FRYL: variants seen among roughly 807,000 people sequenced by gnomAD.
FRYL encodes the protein FRY like transcription coactivator.
In FRYL, 150 loss-of-function variants were observed where a neutral mutation model predicts 351.2. The observed-to-expected ratio is 0.43, with a 90% CI of 0.37 to 0.49. The LOEUF is 0.49. Among genes scored for constraint, FRYL ranks in the 20% least tolerant of loss-of-function variants. FRYL has a pLI of 0.00. For missense variants in FRYL, 3,036 were observed against 3,619.3 expected (o/e 0.84, Z 4.13); for synonymous variants, 1,153 against 1,257.1 (o/e 0.92, Z 1.75).
intron 44 of FRYL, among the ~76,000 whole-genome samples, chr4:48,543,528 C>T (rs1227540012): frequency 2.6e-5 from 4 of 151,936 alleles, no homozygotes; most frequent in Admixed American, 6.6e-5. Flanking sequence ...TCTTTTTTAC[C>T]TTGTGATCAT....
At chr4:48,565,811 C>G (rs1480594005) in intron 28 of FRYL, 120 bp from the exon 29 acceptor site, 1 of 984,170 alleles carries the variant, frequency 1.0e-6, no homozygotes, top group Admixed American at 2.8e-5. Flanking sequence ...TCATTTTAAA[C>G]TATCAAAAAC....
intron 14 of FRYL, 93 bp downstream of exon 14, chr4:48,595,804 C>T: frequency 1.8e-6 from 2 of 1,102,918 alleles, no homozygotes; most frequent in Non-Finnish European, 1.3e-6. Flanking sequence ...CATATTCCAC[C>T]CACAAAGTAT....
At chr4:48,687,515 G>GGGGGGGC (rs1765272654) in intron 2 of FRYL, among the ~76,000 whole-genome samples, 1 of 118,028 alleles carries the variant, frequency 8.5e-6, no homozygotes. Context: ...GGTGAGGGGG[G>GGGGGGGC]AGGGGGGCGG....
At chr4:48,518,886 C>T (rs1365845249) in intron 55 of FRYL, among the ~76,000 whole-genome samples, 1 of 152,236 alleles carries the variant, frequency 6.6e-6, no homozygotes, top group Non-Finnish European at 1.5e-5. Flanking sequence ...TTATCTGTCT[C>T]TCCTACTAGA....
chr4:48,734,370 A>C (rs1319056453), intron 1 of FRYL, among the ~76,000 whole-genome samples: 2 of 152,198 alleles, frequency 1.3e-5, no homozygotes, highest in African/African-American at 4.8e-5. Flanking sequence ...AACAATACTA[A>C]ATGTGTGTGT....
intron 1 of FRYL, among the ~76,000 whole-genome samples, chr4:48,775,386 G>A (rs115881369): frequency 2.0e-5 from 3 of 152,296 alleles, no homozygotes; most frequent in African/African-American, 7.2e-5. Context: ...TGCCTAGCAT[G>A]GTACACACTA....
chr4:48,528,966 ATG>A (rs1726908433), intron 50 of FRYL, among the ~76,000 whole-genome samples: 1 of 152,204 alleles, frequency 6.6e-6, no homozygotes, highest in African/African-American at 2.4e-5. Context: ...GCTCATCTGC[ATG>A]TCATACGAGT....
chr4:48,621,737 AT>A (rs1483455377), intron 5 of FRYL, among the ~76,000 whole-genome samples: 6 of 152,164 alleles, frequency 3.9e-5, no homozygotes, highest in Non-Finnish European at 7.4e-5. Flanking sequence ...TAAATTGAAC[AT>A]TTAATTTTCC....
intron 1 of FRYL, among the ~76,000 whole-genome samples, chr4:48,739,271 T>C (rs894169193): frequency 6.6e-6 from 1 of 151,926 alleles, no homozygotes; most frequent in Non-Finnish European, 1.5e-5. Flanking sequence ...CATGGTGGCA[T>C]GTGCCTGTAA....
chr4:48,767,516 G>A (rs1448719323), intron 1 of FRYL, among the ~76,000 whole-genome samples: 1 of 152,098 alleles, frequency 6.6e-6, no homozygotes, highest in African/African-American at 2.4e-5. Context: ...ACAACCACGT[G>A]GATGAACCTG....
In FRYL at chr4:48,645,124, TTATATATATATATA is replaced by T. The variant is rs36223183; in HGVS notation, c.-80-10648_-80-10635del. On this transcript the variant is annotated intron_variant, in intron 3 of 63. Transcript: ENST00000358350. ...ATTAAACCAGCAGTGAGCTTTCATT[TTATATATATATATA>T]TATATATATATATATATCAGACTGG... Among the ~76,000 whole-genome samples, 34 of 105,454 alleles carry T rather than the reference TTATATATATATATA, an allele frequency of 3.2e-4. 2 individuals carry two copies. The highest frequency in any genetic ancestry group is 1.5e-3 in the East Asian group (5 of 3,268). 69.2% of individuals were successfully genotyped at this position (105,454 alleles called of 152,430 possible).
intron 1 of FRYL, among the ~76,000 whole-genome samples, chr4:48,762,541 G>A (rs1335548694): frequency 6.6e-6 from 1 of 152,184 alleles, no homozygotes; most frequent in African/African-American, 2.4e-5. Context: ...TGTGACAGAT[G>A]GCAGAAGCTT....
intron 1 of FRYL, among the ~76,000 whole-genome samples, chr4:48,715,972 A>T (rs1768775079): frequency 6.6e-6 from 1 of 151,528 alleles, no homozygotes; most frequent in Non-Finnish European, 1.5e-5. Flanking sequence ...ATAATGCCGC[A>T]TATCTACAAC....
At chr4:48,563,113 G>A in intron 31 of FRYL, 125 bp from the exon 32 acceptor site, 1 of 597,476 alleles carries the variant, frequency 1.7e-6, no homozygotes, top group Admixed American at 3.0e-5. Context: ...GAGGAGACTT[G>A]GTTTTTTCAA....
At chr4:48,714,610 T>A (rs1291148723) in intron 1 of FRYL, among the ~76,000 whole-genome samples, 2 of 149,498 alleles carry the variant, frequency 1.3e-5, no homozygotes, top group Non-Finnish European at 3.0e-5. Flanking sequence ...TAACAGGAGC[T>A]GAAATTGTGG....
chr4:48,639,797 C>A (rs1184687474), intron 3 of FRYL, among the ~76,000 whole-genome samples: 3 of 151,944 alleles, frequency 2.0e-5, no homozygotes, highest in African/African-American at 7.3e-5. Flanking sequence ...ACATAAAGAA[C>A]TCTTAAAACT....
intron 60 of FRYL, 69 bp downstream of exon 60, chr4:48,505,478 T>C: frequency 1.2e-6 from 1 of 852,096 alleles, no homozygotes; most frequent in Non-Finnish European, 2.0e-6. Context: ...AATAAGGATA[T>C]TTGAACACAT....
chr4:48,692,877 T>C (rs1212286732), intron 2 of FRYL, among the ~76,000 whole-genome samples: 1 of 152,206 alleles, frequency 6.6e-6, no homozygotes, highest in African/African-American at 2.4e-5. Context: ...AAAAGATCTC[T>C]TTAAAAAAAG....
intron 33 of FRYL, among the ~76,000 whole-genome samples, chr4:48,561,072 CG>C (rs963831579): frequency 1.3e-5 from 2 of 152,306 alleles, no homozygotes; most frequent in South Asian, 2.1e-4. Flanking sequence ...GTTTCGCTCA[CG>C]GAAAACTGCC....
Sources: allele counts gnomAD v4.1 joint callset (sites outside exome capture counted in the v4.1 genomes callset), GRCh38; gene constraint gnomAD v4.1.1; transcripts MANE v1.5; gene names NCBI Gene and HGNC (gene_info 2026-07-23, HGNC 2026-07-21).